Variants in PRCD observed in about 807,000 individuals in gnomAD.
PRCD encodes photoreceptor disk component PRCD.
Under a neutral mutation model 10.1 loss-of-function variants are expected in PRCD, and 12 were observed. That is an observed-to-expected ratio of 1.18 (90% confidence interval 0.76 to 1.92). The LOEUF (loss-of-function observed/expected upper bound fraction) is 1.92. Among genes scored for constraint, PRCD ranks in the 40% most tolerant of loss-of-function variants. The pLI is 0.00. For missense variants in PRCD, 61 were observed against 72.2 expected (o/e 0.84, Z 0.56); for synonymous variants, 31 against 26.2 (o/e 1.18, Z -0.56).
rs777248455 is a variant in PRCD at position 76,545,159 on chromosome 17, G to A, written c.*1509G>A. 2.4e-5 allele frequency: 11 copies of A among 456,572 alleles called. No individual in the cohort carries two copies. Among genetic ancestry groups the A allele is most frequent in the Non-Finnish European group, 3.5e-5 (8 of 226,968 alleles). The allele number at this position is 456,572 out of a possible 1,614,324, so 28.3% of individuals were successfully genotyped here. Reference sequence around the variant, plus strand: ...CAGCCCACGCTCGCCTCTTATTCCCGGGGCCTCTCCCACCCCTGGGCTCTC... The same window carrying A: ...CAGCCCACGCTCGCCTCTTATTCCCAGGGCCTCTCCCACCCCTGGGCTCTC... On this transcript the variant is annotated 3_prime_UTR_variant, in exon 5 of 5. Coordinates refer to ENST00000592014, the MANE Select transcript of PRCD (RefSeq NM_001077620.3).
intron 1 of PRCD, among the ~76,000 whole-genome samples, chr17:76,552,509 C>T (rs2075117370): frequency 6.6e-6 from 1 of 151,982 alleles, no homozygotes; most frequent in Non-Finnish European, 1.5e-5. Context: ...TAAAATCTCA[C>T]ATTTTGTAAT....
chr17:76,538,088 A>T (rs1489065418), upstream of PRCD: 1 of 152,440 alleles, frequency 6.6e-6, no homozygotes, highest in Non-Finnish European at 1.5e-5. Context: ...CGGCGTCGCG[A>T]GTGTGCGCGT....
At chr17:76,538,454 G>T, upstream of PRCD, 1 of 465,978 alleles carries the variant, frequency 2.1e-6, no homozygotes, top group Non-Finnish European at 4.4e-6. Flanking sequence ...CTCGGTGCAC[G>T]AACGCGGCGG....
In PRCD at chr17:76,528,809, T is replaced by C; in HGVS notation, n.45+976T>C. 1 of 1,107,744 alleles carries C rather than the reference T, an allele frequency of 9.0e-7. No individual in the cohort carries two copies. The highest frequency in any genetic ancestry group is 1.1e-6 in the Non-Finnish European group (1 of 871,830). The allele number at this position is 1,107,744 out of a possible 1,614,324, so 68.6% of individuals were successfully genotyped here. A position where few individuals can be genotyped will look rare whatever the true frequency, so the allele number is the denominator to read the frequency against. On this transcript the variant is annotated intron_variant and non_coding_transcript_variant, in intron 1 of 4. Transcript: ENST00000397633. This position sits in a 1 kb window ranked among gnomAD's most constrained non-coding sequence, Gnocchi z 5.8. ...CGTGCTGTGTGATCTCAGGCAAGTC[T>C]ACTGGCCCATGGGAGCTCCGGATCT...
At chr17:76,529,648 T>A (rs2074810825) in intron 1 of PRCD, 1 of 984,266 alleles carries the variant, frequency 1.0e-6, no homozygotes. Context: ...GGGAGAGGGG[T>A]GGGAGGGCAG....
chr17:76,544,527 AG>A lies in PRCD; in HGVS notation c.*879del, dbSNP rs1269411756. 2.2e-6 allele frequency: 1 copy of A among 456,572 alleles called. No homozygotes were observed. The highest frequency in any genetic ancestry group is 1.5e-5 in the South Asian group (1 of 64,558). 28.3% of individuals were successfully genotyped at this position (456,572 alleles called of 1,614,324 possible). A position where few individuals can be genotyped will look rare whatever the true frequency, so the allele number is the denominator to read the frequency against. Reference sequence around the variant, plus strand: ...GGGAGCCTCTCAAAGTAGGGCAGGCAGGAGGCAGGGGGAAAGTCACACTAGG... The same window carrying A: ...GGGAGCCTCTCAAAGTAGGGCAGGCAGAGGCAGGGGGAAAGTCACACTAGG... On this transcript the variant is annotated 3_prime_UTR_variant, in exon 5 of 5. Transcript: ENST00000592014.
intron 1 of PRCD, chr17:76,529,266 A>G: frequency 1.0e-6 from 1 of 985,326 alleles, no homozygotes; most frequent in East Asian, 1.1e-4. Context: ...GGTGGGCTAG[A>G]GGGTGTAAAG....
chr17:76,537,228 A>G (rs926197391), upstream of PRCD, among the ~76,000 whole-genome samples: 3 of 152,218 alleles, frequency 2.0e-5, no homozygotes, highest in Middle Eastern at 0.01. Flanking sequence ...GGCTCAACCC[A>G]GGCTTCGTTC....
Position 76,540,225 on chromosome 17 carries a change from T to C in PRCD, c.74+10T>C. On this transcript the variant is annotated intron_variant, in intron 1 of 4. Coordinates refer to ENST00000592014, the MANE Select transcript of PRCD (RefSeq NM_001077620.3). The surrounding 1 kb of genome is among the most constrained non-coding windows in gnomAD (Gnocchi z 5.0). ...CCAACCGAGTCCAACCGTGAGAAAC[T>C]GACCGGGCTATGGCTGGCGGTTGGT... The C allele has an allele frequency of 9.2e-7, 1 of 1,086,358 alleles. No homozygotes were observed. Among genetic ancestry groups the C allele is most frequent in the South Asian group, 1.3e-5 (1 of 78,158 alleles). 67.3% of individuals were successfully genotyped at this position (1,086,358 alleles called of 1,614,324 possible).
rs2074839105 is a variant in PRCD, at chr17:76,531,332, G to A, written n.45+3499G>A. On this transcript the variant is annotated intron_variant and non_coding_transcript_variant, in intron 1 of 4. Transcript: ENST00000397633. This position sits in a 1 kb window ranked among gnomAD's most constrained non-coding sequence, Gnocchi z 7.4. ...CCCCTCCATCCTGCTGCCGGGCACT[G>A]CCCCTCCCTCTCGCAGCCACTCCGG... 4 of 1,280,752 alleles carry A rather than the reference G, an allele frequency of 3.1e-6. No homozygotes were observed. The highest frequency in any genetic ancestry group is 3.0e-5 in the African/African-American group (2 of 67,478). 79.3% of individuals were successfully genotyped at this position (1,280,752 alleles called of 1,614,324 possible).
rs779081934 is a variant in PRCD, at chr17:76,530,983, T to C, written n.45+3150T>C. The C allele has an allele frequency of 1.6e-5, 25 of 1,599,364 alleles. No homozygotes were observed. The South Asian group carries it at 2.7e-4, about 17-fold the overall frequency. On this transcript the variant is annotated intron_variant and non_coding_transcript_variant, in intron 1 of 4. Coordinates refer to the PRCD transcript ENST00000397633. The surrounding 1 kb of genome is among the most constrained non-coding windows in gnomAD (Gnocchi z 6.1). ...CACCCTCGCCCGCCTCCTCACGTGG[T>C]GGCGTTGGGGACCTGCTGCACCCAG...
intron 1 of PRCD, chr17:76,551,085 G>C (rs2075104554): frequency 6.6e-6 from 1 of 152,246 alleles, no homozygotes; most frequent in African/African-American, 2.4e-5. Flanking sequence ...CCTGCCACCA[G>C]GAAGGTGCCA....
At chr17:76,547,977 C>T (rs1364846910), downstream of PRCD, among the ~76,000 whole-genome samples, 1 of 151,702 alleles carries the variant, frequency 6.6e-6, no homozygotes, top group Non-Finnish European at 1.5e-5. Context: ...CATAAACATA[C>T]ACATACATAC....
intron 1 of PRCD, chr17:76,550,880 C>G (rs576654984): frequency 6.6e-6 from 1 of 152,362 alleles, no homozygotes; most frequent in East Asian, 1.9e-4. Flanking sequence ...AGGCGCTGTG[C>G]TAAGTGCCCC....
At chr17:76,527,769 C>T (rs2074784458), upstream of PRCD, 1 of 454,024 alleles carries the variant, frequency 2.2e-6, no homozygotes, top group Non-Finnish European at 4.4e-6. Flanking sequence ...GGACTGAGGC[C>T]CCTCCCCCAG....
chr17:76,541,245 T>C (rs1598212456), intron 2 of PRCD, among the ~76,000 whole-genome samples: 1 of 152,234 alleles, frequency 6.6e-6, no homozygotes, highest in East Asian at 1.9e-4. Context: ...CAAATCTTTA[T>C]GAAGTTCCCA....
chr17:76,532,351 AC>A (rs906892454), intron 1 of PRCD, among the ~76,000 whole-genome samples: 16 of 152,034 alleles, frequency 1.1e-4, no homozygotes, highest in Non-Finnish European at 1.5e-5. Flanking sequence ...CCTGTGTCAG[AC>A]ATGCCTTACC....
Position 76,540,102 on chromosome 17 carries a change from T to C in PRCD, c.-40T>C, listed in dbSNP as rs760102518. ...CATTTTGGCCCCTCGCCTGTGGCCT[T>C]CTGCAGACTTGGCCTGGGAGGGGAT... On this transcript the variant is annotated 5_prime_UTR_variant, in exon 1 of 5. Coordinates refer to ENST00000592014, the MANE Select transcript of PRCD (RefSeq NM_001077620.3). The surrounding 1 kb of genome is among the most constrained non-coding windows in gnomAD (Gnocchi z 5.0). 1.4e-5 allele frequency: 22 copies of C among 1,577,316 alleles called. No individual in the cohort carries two copies. The African/African-American group carries it at 2.8e-4, about 20-fold the overall frequency.
At chr17:76,539,048 C>G (rs2074956698), upstream of PRCD, among the ~76,000 whole-genome samples, 1 of 152,236 alleles carries the variant, frequency 6.6e-6, no homozygotes, top group South Asian at 2.1e-4. Flanking sequence ...CTGGGGGACC[C>G]TGAGGCAGTG....
Sources: gnomAD v4.1 joint callset for allele counts (sites outside exome capture counted in the v4.1 genomes callset) on GRCh38, gnomAD v4.1.1 for gene constraint, Gnocchi (gnomAD v3.1) non-coding constraint, MANE v1.5 for transcripts, NCBI Gene and HGNC (gene_info 2026-07-23, HGNC 2026-07-21) for gene names.